The following RNF20 variants were observed in gnomAD, a reference collection of about 807,000 sequenced individuals.
The protein encoded by RNF20 is E3 ubiquitin-protein ligase BRE1A.
A neutral mutation model predicts 126.2 loss-of-function variants in RNF20; 84 were observed. The ratio of observed to expected loss-of-function variants is 0.67; its 90% CI spans 0.56 to 0.80. RNF20 has a LOEUF of 0.80. Ranked by LOEUF, RNF20 falls within the 30% of genes least tolerant of loss-of-function variation. The probability of loss-of-function intolerance (pLI) is 0.00; values close to 1 mark genes in which losing one functional copy is unlikely to be tolerated. For synonymous variants in RNF20, 400 were observed against 414.3 expected (o/e 0.97, Z 0.42); for missense variants, 869 against 1,188.2 (o/e 0.73, Z 3.95).
Position 101,552,482 on chromosome 9 carries a change from T to C in RNF20, c.1630T>C (p.Ser544Pro), listed in dbSNP as rs1393876049. 6.8e-6 allele frequency: 11 copies of C among 1,613,898 alleles called. No individual in the cohort carries two copies. Among genetic ancestry groups the C allele is most frequent in the Non-Finnish European group, 8.5e-6 (10 of 1,179,886 alleles). ...GCTAAAACCAGATTCTGAGGACTTA[T>C]CCTCCCAGTCCTCAGCTTCAAAGGC... ...AELKPDSEDL[S>P]SQSSASKASQ... Residue 544 changes from serine to proline, a missense_variant, in exon 13 of 20, where the codon TCC becomes CCC. Around this residue, in one of 8 missense-constraint regions of RNF20, gnomAD observed 231 missense variants for 263.6 expected, o/e 0.88. Transcript: ENST00000389120.
At chr9:101,555,680 G>T (rs1409597477) in intron 15 of RNF20, among the ~76,000 whole-genome samples, 2 of 151,998 alleles carry the variant, frequency 1.3e-5, no homozygotes, top group East Asian at 3.9e-4. Flanking sequence ...GGCTGGGCGC[G>T]GTGGCTCATG....
In RNF20 at chr9:101,557,663, A is replaced by G. The variant is rs1827555676; in HGVS notation, c.2382+67A>G. 5.8e-6 allele frequency: 7 copies of G among 1,215,142 alleles called. No individual in the cohort carries two copies. In the South Asian group the frequency reaches 9.5e-5, roughly 17 times the overall value. The allele number at this position is 1,215,142 out of a possible 1,614,324, so 75.3% of individuals were successfully genotyped here. On this transcript the variant is annotated intron_variant, in intron 16 of 19. Coordinates refer to ENST00000389120, the MANE Select transcript of RNF20 (RefSeq NM_019592.7). ...GTGCTTTCTACATGATGATATAAGT[A>G]AAAGAATGATTATTGTGGCACATTT...
rs1827238812 is a variant in RNF20 at position 101,540,283 on chromosome 9, T to A, written c.210T>A (p.Asp70Glu). Residue 70 changes from aspartate (D) to glutamate (E), a missense_variant, in exon 3 of 20, where the codon GAT becomes GAA. This residue lies in a region of RNF20 where 157 missense variants were observed against 236.0 expected (regional missense o/e 0.67). Coordinates refer to ENST00000389120, the MANE Select transcript of RNF20 (RefSeq NM_019592.7). ...TGGATCAGCGGCAGGCCATTGAAGA[T>A]GAACTTCGTGAGCACATTGAAAAAC... is the stretch of plus-strand genomic sequence containing the variant. ...EMLDQRQAIEDELREHIEKLE... is the reference protein window; with the variant it reads ...EMLDQRQAIEEELREHIEKLE... 2 of 1,614,164 alleles carry A rather than the reference T, an allele frequency of 1.2e-6. No homozygotes were observed. Among genetic ancestry groups the A allele is most frequent in the Non-Finnish European group, 1.7e-6 (2 of 1,180,028 alleles).
chr9:101,544,479 G>C (rs1385836834), intron 5 of RNF20, among the ~76,000 whole-genome samples: 1 of 152,170 alleles, frequency 6.6e-6, no homozygotes, highest in East Asian at 1.9e-4. Context: ...GCTGAGGTGG[G>C]TGGATCACCT....
chr9:101,555,343 CA>C (rs1312517288), intron 15 of RNF20, among the ~76,000 whole-genome samples: 2 of 151,498 alleles, frequency 1.3e-5, no homozygotes, highest in African/African-American at 4.8e-5. Context: ...ATCTATTAAC[CA>C]ATATAATAAC....
At position 101,551,757 on chromosome 9, in the gene RNF20, G is replaced by T. The variant is rs1410075299; in HGVS notation, c.1346G>T (p.Arg449Leu). 1.2e-6 allele frequency: 2 copies of T among 1,613,580 alleles called. No individual in the cohort carries two copies. The highest frequency in any genetic ancestry group is 8.5e-7 in the Non-Finnish European group (1 of 1,179,846). ...IQLEDTLAQV[R>L]KEYEMLRIEF... ...CTAGAAGATACATTGGCCCAGGTCC[G>T]CAAGGAGTATGAAATGCTGAGGATA... is the stretch of plus-strand genomic sequence containing the variant. Residue 449 changes from arginine to leucine, a missense_variant, in exon 11 of 20, where the codon CGC becomes CTC. By Grantham distance (102) the Arg-to-Leu change is moderately radical. Transcript: ENST00000389120.
intron 4 of RNF20, 47 bp downstream of exon 4, chr9:101,540,684 T>C: frequency 6.8e-6 from 11 of 1,607,440 alleles, no homozygotes; most frequent in Non-Finnish European, 9.4e-6. Flanking sequence ...TCTGGGTTTT[T>C]AAAGTAGAGC....
In RNF20 at chr9:101,553,895, T is replaced by C. The variant is rs2118722755; in HGVS notation, c.1902-93T>C. On this transcript the variant is annotated intron_variant, in intron 13 of 19. Coordinates refer to ENST00000389120, the MANE Select transcript of RNF20 (RefSeq NM_019592.7). Reference sequence around the variant, plus strand: ...GATATGAAATGTAAAATGAAACTGTTTTAAAATATTCTGCTCAATCAAAAT... The same window carrying C: ...GATATGAAATGTAAAATGAAACTGTCTTAAAATATTCTGCTCAATCAAAAT... 3 of 685,278 alleles carry C rather than the reference T, an allele frequency of 4.4e-6. No homozygotes were observed. The South Asian group carries it at 6.2e-5, about 14-fold the overall frequency. The allele number at this position is 685,278 out of a possible 1,614,324, so 42.4% of individuals were successfully genotyped here. A position where few individuals can be genotyped will look rare whatever the true frequency, so the allele number is the denominator to read the frequency against.
intron 16 of RNF20, among the ~76,000 whole-genome samples, chr9:101,559,616 C>T (rs1827594784): frequency 6.6e-6 from 1 of 152,056 alleles, no homozygotes; most frequent in South Asian, 2.1e-4. Flanking sequence ...CTTTCACGTT[C>T]TTGGTTAAGT....
chr9:101,544,637 G>A, intron 5 of RNF20, 130 bp from the exon 6 acceptor site: 1 of 594,606 alleles, frequency 1.7e-6, no homozygotes, highest in Non-Finnish European at 3.0e-6. Context: ...AACCCTGGAG[G>A]CAGAGGTTGC....
intron 16 of RNF20, 88 bp downstream of exon 16, chr9:101,557,684 C>T (rs1465093452): frequency 9.5e-7 from 1 of 1,057,102 alleles, no homozygotes; most frequent in East Asian, 2.5e-5. Flanking sequence ...TATTGTGGCA[C>T]ATTTTTGTGA....
chr9:101,554,119 C>G lies in RNF20; in HGVS notation c.2019+14C>G. 7.3e-7 allele frequency: 1 copy of G among 1,375,512 alleles called. No individual in the cohort carries two copies. The highest frequency in any genetic ancestry group is 1.0e-6 in the Non-Finnish European group (1 of 967,406). The allele number at this position is 1,375,512 out of a possible 1,614,324, so 85.2% of individuals were successfully genotyped here. A position where few individuals can be genotyped will look rare whatever the true frequency, so the allele number is the denominator to read the frequency against. On this transcript the variant is annotated intron_variant, in intron 14 of 19. Transcript: ENST00000389120. ...TCTAAGGCAGAGGTATTCTAGTCTG[C>G]TATTACCTGTCCTTCTGGTTAAAAT...
chr9:101,543,293 G>A (rs1480054357), intron 5 of RNF20, among the ~76,000 whole-genome samples: 11 of 132,238 alleles, frequency 8.3e-5, no homozygotes, highest in African/African-American at 1.4e-4. Flanking sequence ...CTGTCTAACC[G>A]TGCCAGGGCG....
intron 5 of RNF20, 23 bp downstream of exon 5, chr9:101,540,998 G>A (rs1232191880): frequency 3.1e-6 from 5 of 1,593,614 alleles, no homozygotes; most frequent in Non-Finnish European, 2.6e-6. Flanking sequence ...CCTGGAGGCC[G>A]GGAGTAGTGG....
chr9:101,544,236 A>G (rs1453295675), intron 5 of RNF20, among the ~76,000 whole-genome samples: 4 of 152,206 alleles, frequency 2.6e-5, no homozygotes. Flanking sequence ...TGCCCCTAAC[A>G]TAGTATTTCA....
At chr9:101,535,049 C>G (rs192158247) in intron 1 of RNF20, among the ~76,000 whole-genome samples, 1 of 151,366 alleles carries the variant, frequency 6.6e-6, no homozygotes, top group African/African-American at 2.4e-5. Context: ...CTGGGACTAC[C>G]GGCGCCCGCC....
At chr9:101,546,632 G>A (rs1827351174) in intron 6 of RNF20, among the ~76,000 whole-genome samples, 188 bp from the exon 7 acceptor site, 1 of 152,058 alleles carries the variant, frequency 6.6e-6, no homozygotes, top group African/African-American at 2.4e-5. Context: ...CTTAAAGTTT[G>A]CATGATTATA....
chr9:101,542,371 A>G (rs996852490), intron 5 of RNF20, among the ~76,000 whole-genome samples: 1 of 152,224 alleles, frequency 6.6e-6, no homozygotes, highest in South Asian at 2.1e-4. Context: ...ATTCTAAACA[A>G]TGTGTTTTAT....
At chr9:101,543,217 T>C (rs999120360) in intron 5 of RNF20, among the ~76,000 whole-genome samples, 5 of 152,264 alleles carry the variant, frequency 3.3e-5, no homozygotes, top group African/African-American at 1.2e-4. Flanking sequence ...ATAGGCCTTA[T>C]AGAGTAAGGT....
Sources: allele counts gnomAD v4.1 joint callset (sites outside exome capture counted in the v4.1 genomes callset), GRCh38; gene constraint gnomAD v4.1.1; regional missense constraint gnomAD v4.1.1; transcripts MANE v1.5; gene names NCBI Gene and HGNC (gene_info 2026-07-23, HGNC 2026-07-21).